Variants in INPP5A observed in about 807,000 individuals in gnomAD.
INPP5A encodes the protein inositol polyphosphate-5-phosphatase A, also known as 43 kDa inositol polyphosphate 5-phophatase.
INPP5A carries 14 observed loss-of-function variants against 65.2 expected under a neutral mutation model. That is an observed-to-expected ratio of 0.21 (90% CI 0.14 to 0.34). The LOEUF (loss-of-function observed/expected upper bound fraction) is 0.34. Among genes scored for constraint, INPP5A ranks in the 10% least tolerant of loss-of-function variants. The pLI, the probability that INPP5A is intolerant of heterozygous loss-of-function variation, is 1.00. For synonymous variants in INPP5A, 207 were observed against 208.3 expected (o/e 0.99, Z 0.05); for missense variants, 431 against 545.6 (o/e 0.79, Z 2.09).
At chr10:132,687,485 C>T (rs1005652921) in intron 4 of INPP5A, among the ~76,000 whole-genome samples, 8 of 152,354 alleles carry the variant, frequency 5.3e-5, no homozygotes, top group African/African-American at 1.9e-4. Context: ...ACAGGTTCTC[C>T]CACCTTCTGG....
intron 2 of INPP5A, among the ~76,000 whole-genome samples, chr10:132,611,614 G>A (rs1353405763): frequency 3.6e-5 from 5 of 138,750 alleles, no homozygotes. Flanking sequence ...GGTAGGCAGG[G>A]GAGAGGCCCT....
chr10:132,720,267 G>A (rs1262585954), intron 8 of INPP5A, among the ~76,000 whole-genome samples: 1 of 150,532 alleles, frequency 6.6e-6, no homozygotes, highest in Non-Finnish European at 1.5e-5. Context: ...TGTGGTGCCT[G>A]GGTTCTGTCT....
rs1239442912 is a variant in INPP5A at position 132,650,681 on chromosome 10, A to G, written c.306+176A>G. Among the ~76,000 whole-genome samples, 2 of 152,200 alleles carry G rather than the reference A, an allele frequency of 1.3e-5. No individual in the cohort carries two copies. Among genetic ancestry groups the G allele is most frequent in the African/African-American group, 4.8e-5 (2 of 41,458 alleles). On this transcript the variant is annotated intron_variant, in intron 4 of 15. Transcript: ENST00000368594. This position sits in a 1 kb window ranked among gnomAD's most constrained non-coding sequence, Gnocchi z 5.5. Reference sequence around the variant, plus strand: ...GGTGGTCTGCTCGTGGTCTGAGCCCATGGCTGGCCTGGCAGGGAAGGTGGC... The same window carrying G: ...GGTGGTCTGCTCGTGGTCTGAGCCCGTGGCTGGCCTGGCAGGGAAGGTGGC...
At chr10:132,780,798 A>G (rs1847146968) in intron 13 of INPP5A, 51 bp from the exon 14 acceptor site, 1 of 1,471,092 alleles carries the variant, frequency 6.8e-7, no homozygotes, top group East Asian at 2.3e-5. Context: ...TCCCAACTGG[A>G]CCCAGGGTGC....
In INPP5A at chr10:132,675,653, G is replaced by C. The variant is rs2072953745; in HGVS notation, c.307-14739G>C. On this transcript the variant is annotated intron_variant, in intron 4 of 15. Transcript: ENST00000368594. The surrounding 1 kb of genome is among the most constrained non-coding windows in gnomAD (Gnocchi z 4.2). The stretch of plus-strand genomic sequence containing the variant: ...CGCGGAGAACTGGGACCCCGATCAG[G>C]GTCTGGAGGGAGCGTGTGCCCTTGG... Among the ~76,000 whole-genome samples, 1 of 152,220 alleles carries C rather than the reference G, an allele frequency of 6.6e-6. No individual in the cohort carries two copies. The highest frequency in any genetic ancestry group is 2.4e-5 in the African/African-American group (1 of 41,466).
At chr10:132,646,622 C>T (rs978248648) in intron 3 of INPP5A, among the ~76,000 whole-genome samples, 1 of 152,218 alleles carries the variant, frequency 6.6e-6, no homozygotes, top group Non-Finnish European at 1.5e-5. Context: ...CTCTGTGTCC[C>T]CTACAGTGTG....
At chr10:132,709,562 C>T (rs1161339066) in intron 7 of INPP5A, among the ~76,000 whole-genome samples, 2 of 152,072 alleles carry the variant, frequency 1.3e-5, no homozygotes, top group South Asian at 2.1e-4. Flanking sequence ...ACATGGGGCA[C>T]GTTCACCAGG....
Position 132,546,197 on chromosome 10 carries a change from T to G in INPP5A, c.75+8026T>G, listed in dbSNP as rs1022632548. The stretch of plus-strand genomic sequence containing the variant: ...TGGGTGGGTTGGGGCTGGACACCAC[T>G]TCTGGGGCAGGTCTAGGGTGATGGC... On this transcript the variant is annotated intron_variant, in intron 1 of 15. Transcript: ENST00000368594. This position sits in a 1 kb window ranked among gnomAD's most constrained non-coding sequence, Gnocchi z 5.7. Among the ~76,000 whole-genome samples the G allele has an allele frequency of 1.5e-4, 23 of 152,206 alleles. No homozygotes were observed. The highest frequency in any genetic ancestry group is 4.8e-4 in the African/African-American group (20 of 41,454).
At chr10:132,740,080 G>A (rs1846247309) in intron 9 of INPP5A, among the ~76,000 whole-genome samples, 1 of 152,160 alleles carries the variant, frequency 6.6e-6, no homozygotes, top group Non-Finnish European at 1.5e-5. Context: ...CCCACTCCAC[G>A]GCAATGTCTA....
intron 4 of INPP5A, among the ~76,000 whole-genome samples, chr10:132,683,456 A>G (rs543190145): frequency 6.6e-6 from 1 of 152,286 alleles, no homozygotes; most frequent in Non-Finnish European, 1.5e-5. Context: ...TTATATATAT[A>G]TGCACGCATG....
chr10:132,771,121 T>C (rs1304867140), intron 12 of INPP5A, among the ~76,000 whole-genome samples: 4 of 152,192 alleles, frequency 2.6e-5, no homozygotes, highest in Non-Finnish European at 4.4e-5. Flanking sequence ...TGGCAAAATA[T>C]GGTGTCCGTG....
At chr10:132,565,050 C>T (rs970080967) in intron 1 of INPP5A, among the ~76,000 whole-genome samples, 2 of 152,098 alleles carry the variant, frequency 1.3e-5, no homozygotes, top group Non-Finnish European at 2.9e-5. Context: ...AATGTCCCTG[C>T]GTATTTTATA....
At chr10:132,690,044 C>A (rs1328574715) in intron 4 of INPP5A, among the ~76,000 whole-genome samples, 8 of 152,098 alleles carry the variant, frequency 5.3e-5, no homozygotes, top group Admixed American at 3.3e-4. Context: ...AGGGTCTGGT[C>A]CACTCAATGC....
chr10:132,775,314 C>T (rs1342281251), intron 12 of INPP5A, among the ~76,000 whole-genome samples: 1 of 151,952 alleles, frequency 6.6e-6, no homozygotes, highest in Admixed American at 6.6e-5. Context: ...CGCAGGTGCG[C>T]CCCTGTCCTG....
intron 12 of INPP5A, among the ~76,000 whole-genome samples, chr10:132,767,332 G>A (rs1461346352): frequency 4.9e-5 from 1 of 20,536 alleles, no homozygotes; most frequent in African/African-American, 9.2e-5. Flanking sequence ...TTGGGTGGGA[G>A]CTGGAGGATG....
intron 4 of INPP5A, among the ~76,000 whole-genome samples, chr10:132,661,703 A>C (rs927620944): frequency 2.0e-5 from 3 of 152,202 alleles, no homozygotes; most frequent in African/African-American, 7.2e-5. Flanking sequence ...TGTATATGTA[A>C]ATGTAAAGGA....
intron 5 of INPP5A, among the ~76,000 whole-genome samples, chr10:132,694,479 T>C (rs1384921557): frequency 6.6e-6 from 1 of 151,856 alleles, no homozygotes; most frequent in African/African-American, 2.4e-5. Context: ...TTATCTAAGC[T>C]TCTACCTTAG....
chr10:132,582,699 G>A (rs908616989), intron 1 of INPP5A, among the ~76,000 whole-genome samples: 1 of 152,176 alleles, frequency 6.6e-6, no homozygotes, highest in Admixed American at 6.5e-5. Context: ...GGGTTTACAG[G>A]CACGATACTT....
At chr10:132,683,219 G>T (rs542766015) in intron 4 of INPP5A, among the ~76,000 whole-genome samples, 1 of 148,626 alleles carries the variant, frequency 6.7e-6, no homozygotes, top group Non-Finnish European at 1.5e-5. Context: ...TGGAGGGCAC[G>T]TGTCTGCCGT....
Sources: gnomAD v4.1 joint callset for allele counts (sites outside exome capture counted in the v4.1 genomes callset) on GRCh38, gnomAD v4.1.1 for gene constraint, Gnocchi (gnomAD v3.1) non-coding constraint, MANE v1.5 for transcripts, NCBI Gene and HGNC (gene_info 2026-07-23, HGNC 2026-07-21) for gene names.